CPLANE1: variants seen among roughly 807,000 people sequenced by gnomAD.
CPLANE1 encodes the protein ciliogenesis and planar polarity effector complex subunit 1, also known as ciliogenesis and planar polarity effector 1.
CPLANE1 carries 263 observed loss-of-function variants against 362.5 expected under a neutral mutation model. That is an observed-to-expected ratio of 0.73 (90% confidence interval 0.66 to 0.80). The LOEUF is 0.80. Among genes scored for constraint, CPLANE1 ranks in the 30% least tolerant of loss-of-function variants. The pLI, the probability that CPLANE1 is intolerant of heterozygous loss-of-function variation, is 0.00. For missense variants in CPLANE1, 3,461 were observed against 3,793.4 expected (o/e 0.91, Z 2.30); for synonymous variants, 1,212 against 1,302.6 (o/e 0.93, Z 1.50).
At chr5:37,148,146 A>G (rs1255186657) in intron 43 of CPLANE1, 35 bp downstream of exon 43, 1 of 1,518,046 alleles carries the variant, frequency 6.6e-7, no homozygotes, top group East Asian at 2.3e-5. Context: ...CAACTAAAGC[A>G]AGACTTCAGC....
chr5:37,180,107 T>G lies in CPLANE1; in HGVS notation c.5647A>C (p.Lys1883Gln), dbSNP rs1782249370. 1.3e-6 allele frequency: 2 copies of G among 1,565,504 alleles called. No homozygotes were observed. Among genetic ancestry groups the G allele is most frequent in the Non-Finnish European group, 1.7e-6 (2 of 1,154,112 alleles). ...DDIISITHNT[K>Q]KEFIDIDENL... ...TCATCAATATCTATAAATTCTTTTT[T>G]AGTATTATGAGTGATGGAAATAATA... The change falls in exon 28 of 53, where the codon AAA becomes CAA. Residue 1883 changes from lysine to glutamine, a missense_variant. By Grantham distance (53) the Lys-to-Gln change is moderately conservative (BLOSUM62 1). Transcript: ENST00000651892.
chr5:37,123,746 G>C (rs564801085), intron 47 of CPLANE1, among the ~76,000 whole-genome samples: 73 of 152,068 alleles, frequency 4.8e-4, no homozygotes, highest in African/African-American at 1.5e-3. Context: ...GGCTGGTCTT[G>C]AACTCCTGGC....
intron 7 of CPLANE1, among the ~76,000 whole-genome samples, chr5:37,239,500 T>C (rs924496079): frequency 3.4e-5 from 5 of 148,484 alleles, no homozygotes; most frequent in African/African-American, 1.3e-4. Context: ...AGAGGATCAC[T>C]TGAGCCCAGG....
At chr5:37,197,138 AAG>A (rs926834986) in intron 20 of CPLANE1, among the ~76,000 whole-genome samples, 1 of 152,056 alleles carries the variant, frequency 6.6e-6, no homozygotes, top group African/African-American at 2.4e-5. Flanking sequence ...CAAGAATAAA[AAG>A]AGGGGAGCTT....
chr5:37,222,627 T>C (rs1010233464), intron 14 of CPLANE1, among the ~76,000 whole-genome samples: 4 of 152,230 alleles, frequency 2.6e-5, no homozygotes, highest in African/African-American at 7.2e-5. Context: ...AAAATGTCCA[T>C]AATGGAACTC....
chr5:37,077,241 G>T, the CPLANE1 span, among the ~76,000 whole-genome samples: 1 of 152,188 alleles, frequency 6.6e-6, no homozygotes, highest in Admixed American at 6.5e-5. Context: ...AACCATGGTT[G>T]TCTCATGGTT....
the CPLANE1 span, among the ~76,000 whole-genome samples, chr5:37,084,795 A>T: frequency 2.7e-5 from 4 of 147,582 alleles, no homozygotes; most frequent in African/African-American, 1.0e-4. Context: ...TTTTTTTTTA[A>T]AAAAAAAAAG....
At chr5:37,184,589 A>G (rs970958475) in intron 25 of CPLANE1, among the ~76,000 whole-genome samples, 199 bp downstream of exon 25, 1 of 152,168 alleles carries the variant, frequency 6.6e-6, no homozygotes, top group Non-Finnish European at 1.5e-5. Flanking sequence ...TATCAATAAT[A>G]CTTAAAGTAA....
At chr5:37,122,073 G>T (rs1434916411) in intron 48 of CPLANE1, among the ~76,000 whole-genome samples, 3 of 152,002 alleles carry the variant, frequency 2.0e-5, no homozygotes, top group Non-Finnish European at 4.4e-5. Context: ...TCTTTCTTCA[G>T]CACTTCTAAC....
At chr5:37,203,992 C>A (rs902618841) in intron 18 of CPLANE1, among the ~76,000 whole-genome samples, 7 of 152,090 alleles carry the variant, frequency 4.6e-5, no homozygotes, top group African/African-American at 1.4e-4. Context: ...TAAAGCTTGG[C>A]CTTTAAGTGG....
At chr5:37,230,570 A>G (rs370172379) in intron 9 of CPLANE1, among the ~76,000 whole-genome samples, 3 of 152,152 alleles carry the variant, frequency 2.0e-5, no homozygotes, top group East Asian at 1.9e-4. Context: ...CTATTATTTT[A>G]TAACAATAAA....
rs963544925 is a variant in CPLANE1 at position 37,238,474 on chromosome 5, C to T, written c.938+383G>A. ...CTGGGATTACAGGCGTGAGCCACAG[C>T]GCCCAGCCTTTTCTTTTTTTTTTTT... On this transcript the variant is annotated intron_variant, in intron 8 of 52. Coordinates refer to ENST00000651892, the MANE Select transcript of CPLANE1 (RefSeq NM_001384732.1). 3.3e-4 allele frequency among the ~76,000 whole-genome samples: 49 copies of T among 149,032 alleles called. 1 individual carries two copies. Among genetic ancestry groups the T allele is most frequent in the Admixed American group, 5.4e-4 (8 of 14,820 alleles).
At chr5:37,139,056 A>G (rs1428769242) in intron 45 of CPLANE1, among the ~76,000 whole-genome samples, 2 of 152,204 alleles carry the variant, frequency 1.3e-5, no homozygotes, top group African/African-American at 4.8e-5. Context: ...AAGGAAACAT[A>G]TGGTCCAGAA....
chr5:37,194,871 G>A (rs1786811675), intron 21 of CPLANE1, among the ~76,000 whole-genome samples: 1 of 151,558 alleles, frequency 6.6e-6, no homozygotes, highest in African/African-American at 2.4e-5. Context: ...GATCAGGGCT[G>A]GCCAGGCGCG....
chr5:37,141,752 T>C (rs1025425064), intron 44 of CPLANE1: 6 of 981,674 alleles, frequency 6.1e-6, no homozygotes, highest in Non-Finnish European at 7.3e-6. Context: ...TAGGACAAAG[T>C]ATATTCATTA....
chr5:37,230,655 T>C lies in CPLANE1; in HGVS notation c.1121+212A>G, dbSNP rs564974454. On this transcript the variant is annotated intron_variant, in intron 9 of 52. Transcript: ENST00000651892. ...TGCTATTAAATATTTAAATAACTTA[T>C]ACTTACATAGTCACAATGTCAAATT... 9.9e-5 allele frequency among the ~76,000 whole-genome samples: 15 copies of C among 152,280 alleles called. No homozygotes were observed. The South Asian group carries it at 3.1e-3, about 32-fold the overall frequency.
the CPLANE1 span, among the ~76,000 whole-genome samples, chr5:37,098,270 T>C: frequency 6.6e-6 from 1 of 151,490 alleles, no homozygotes; most frequent in East Asian, 1.9e-4. Context: ...CAGGCACCTG[T>C]AATCCCAGCT....
At chr5:37,082,355 C>T in the CPLANE1 span, among the ~76,000 whole-genome samples, 1 of 152,042 alleles carries the variant, frequency 6.6e-6, no homozygotes, top group South Asian at 2.1e-4. Context: ...TATGGAGTCA[C>T]AAAAGACCAC....
chr5:37,182,208 C>CACACACACAT (rs1782848656), intron 26 of CPLANE1, among the ~76,000 whole-genome samples: 1 of 152,034 alleles, frequency 6.6e-6, no homozygotes, highest in African/African-American at 2.4e-5. Context: ...CACACACACA[C>CACACACACAT]TCACATCCTT....
Sources: allele counts gnomAD v4.1 joint callset (sites outside exome capture counted in the v4.1 genomes callset), GRCh38; gene constraint gnomAD v4.1.1; transcripts MANE v1.5; gene names NCBI Gene and HGNC (gene_info 2026-07-23, HGNC 2026-07-21).